AKAP13: variants seen among roughly 807,000 people sequenced by gnomAD.
AKAP13 encodes the protein A-kinase anchoring protein 13.
Under a neutral mutation model 264.5 loss-of-function variants are expected in AKAP13, and 80 were observed. That is an observed-to-expected ratio of 0.30 (90% CI 0.25 to 0.36). The LOEUF (loss-of-function observed/expected upper bound fraction) is 0.36, where lower values mean the gene tolerates loss of function less well. Ranked by LOEUF, AKAP13 falls within the 10% of genes least tolerant of loss-of-function variation. The probability of loss-of-function intolerance (pLI) is 1.00; values close to 1 mark genes in which losing one functional copy is unlikely to be tolerated. For missense variants in AKAP13, 3,712 were observed against 3,435.2 expected, an observed-to-expected ratio of 1.08 and a Z score of -2.01; for synonymous variants, 1,380 against 1,250.2, an observed-to-expected ratio of 1.10 and a Z score of -2.19.
chr15:85,634,000 C>T (rs1596816087), intron 8 of AKAP13, among the ~76,000 whole-genome samples: 1 of 152,152 alleles, frequency 6.6e-6, no homozygotes, highest in Non-Finnish European at 1.5e-5. Flanking sequence ...TCCCAGGGCA[C>T]CTGCTGAAGA....
At chr15:85,391,179 G>C (rs566508121) in intron 1 of AKAP13, among the ~76,000 whole-genome samples, 11 of 152,284 alleles carry the variant, frequency 7.2e-5, no homozygotes, top group African/African-American at 2.6e-4. Context: ...AGATGGTAGT[G>C]ACCTAAAACA....
intron 8 of AKAP13, among the ~76,000 whole-genome samples, chr15:85,631,522 A>T (rs201914680): frequency 0.48 from 69,742 of 146,402 alleles, 16,610 homozygotes; most frequent in Admixed American, 0.53. Flanking sequence ...ACACACACAC[A>T]CACACACACA....
chr15:85,572,566 G>T (rs1290120129), intron 5 of AKAP13, among the ~76,000 whole-genome samples: 2 of 152,088 alleles, frequency 1.3e-5, no homozygotes, highest in African/African-American at 4.8e-5. Flanking sequence ...GGGTATGGAA[G>T]TTGTAATAGT....
At chr15:85,530,623 A>C (rs951592198) in intron 3 of AKAP13, among the ~76,000 whole-genome samples, 1 of 152,174 alleles carries the variant, frequency 6.6e-6, no homozygotes, top group Non-Finnish European at 1.5e-5. Flanking sequence ...ATTGACATTT[A>C]TTCATATCTA....
intron 1 of AKAP13, among the ~76,000 whole-genome samples, chr15:85,401,224 G>T (rs1946147043): frequency 6.6e-6 from 1 of 152,142 alleles, no homozygotes; most frequent in African/African-American, 2.4e-5. Flanking sequence ...CTTGGAACAT[G>T]TAGATAGTTA....
chr15:85,701,416 A>G (rs1273761648), intron 17 of AKAP13, among the ~76,000 whole-genome samples: 1 of 152,062 alleles, frequency 6.6e-6, no homozygotes, highest in African/African-American at 2.4e-5. Flanking sequence ...CAGGAAAAAG[A>G]GTTAACATAT....
At chr15:85,620,086 G>T in intron 8 of AKAP13, 1 of 1,535,988 alleles carries the variant, frequency 6.5e-7, no homozygotes, top group Non-Finnish European at 8.7e-7. Context: ...CTTGCATTTG[G>T]GCAAAATGTA....
chr15:85,666,256 T>C, intron 13 of AKAP13, among the ~76,000 whole-genome samples: 1 of 152,212 alleles, frequency 6.6e-6, no homozygotes, highest in Non-Finnish European at 1.5e-5. Flanking sequence ...TGGTTTTGAT[T>C]TGCATTTCTC....
At chr15:85,680,593 A>C (rs1489937699) in intron 14 of AKAP13, among the ~76,000 whole-genome samples, 1 of 152,194 alleles carries the variant, frequency 6.6e-6, no homozygotes, top group Non-Finnish European at 1.5e-5. Context: ...AGCCAGGTGC[A>C]ATGGCTCACC....
chr15:85,510,485 A>G (rs1023576437), intron 2 of AKAP13, among the ~76,000 whole-genome samples: 1 of 152,202 alleles, frequency 6.6e-6, no homozygotes, highest in Non-Finnish European at 1.5e-5. Context: ...GTAACAAAAT[A>G]TTTTCAGATA....
intron 5 of AKAP13, among the ~76,000 whole-genome samples, chr15:85,570,183 G>T (rs1454963454): frequency 6.6e-6 from 1 of 152,146 alleles, no homozygotes; most frequent in Admixed American, 6.5e-5. Flanking sequence ...GGGTGTGGTG[G>T]CTGACGCCTG....
chr15:85,416,060 G>C (rs562194552), intron 1 of AKAP13, among the ~76,000 whole-genome samples: 1 of 152,284 alleles, frequency 6.6e-6, no homozygotes, highest in East Asian at 1.9e-4. Context: ...GAGCACAGAA[G>C]GATGGAGCAA....
intron 2 of AKAP13, among the ~76,000 whole-genome samples, chr15:85,488,764 C>G (rs1410087370): frequency 6.6e-6 from 1 of 152,198 alleles, no homozygotes; most frequent in East Asian, 1.9e-4. Context: ...AGAACACTTT[C>G]TCCACATAGA....
chr15:85,674,720 C>T (rs1270124515), intron 14 of AKAP13, among the ~76,000 whole-genome samples: 7 of 152,088 alleles, frequency 4.6e-5, no homozygotes, highest in Admixed American at 4.6e-4. Context: ...GACCAAAGAT[C>T]AAGGTGGGCC....
At chr15:85,644,953 C>T (rs1459157253) in intron 9 of AKAP13, among the ~76,000 whole-genome samples, 4 of 152,254 alleles carry the variant, frequency 2.6e-5, no homozygotes, top group East Asian at 3.9e-4. Context: ...CATGCCAAAA[C>T]CCCATCTTTA....
chr15:85,667,370 G>A (rs1462089997), intron 13 of AKAP13, among the ~76,000 whole-genome samples: 2 of 152,132 alleles, frequency 1.3e-5, no homozygotes, highest in African/African-American at 4.8e-5. Context: ...TTCAGAAGGA[G>A]TTAGAAAAAA....
chr15:85,738,439 A>G (rs1457424587), intron 33 of AKAP13, among the ~76,000 whole-genome samples: 2 of 152,184 alleles, frequency 1.3e-5, no homozygotes, highest in Non-Finnish European at 2.9e-5. Context: ...CAGAAGAGCT[A>G]AGCCTGGTAA....
chr15:85,472,444 A>T (rs145480319), intron 1 of AKAP13, among the ~76,000 whole-genome samples: 2 of 152,330 alleles, frequency 1.3e-5, no homozygotes, highest in African/African-American at 4.8e-5. Context: ...TAGAAATAAA[A>T]CATTTAAGAG....
chr15:85,494,058 C>G (rs2075805772), intron 2 of AKAP13, among the ~76,000 whole-genome samples: 1 of 152,140 alleles, frequency 6.6e-6, no homozygotes, highest in Non-Finnish European at 1.5e-5. Flanking sequence ...AAAGATACCT[C>G]CAAACCAGAA....
Sources: allele counts gnomAD v4.1 joint callset (sites outside exome capture counted in the v4.1 genomes callset), GRCh38; gene constraint gnomAD v4.1.1; transcripts MANE v1.5; gene names NCBI Gene and HGNC (gene_info 2026-07-23, HGNC 2026-07-21).